Variants in AFAP1 observed in about 807,000 individuals in gnomAD.
AFAP1 encodes actin filament-associated protein 1.
AFAP1 carries 75 observed loss-of-function variants against 93.9 expected under a neutral mutation model. That is an observed-to-expected ratio of 0.80 (90% CI 0.66 to 0.97). AFAP1 has a LOEUF of 0.97. Ranked by LOEUF, AFAP1 falls within the 50% of genes least tolerant of loss-of-function variation. AFAP1 has a pLI of 0.00. For synonymous variants in AFAP1, 517 were observed against 430.7 expected (o/e 1.20, Z -2.48); for missense variants, 1,201 against 1,050.8 (o/e 1.14, Z -1.98).
At chr4:7,928,802 T>C (rs1344639963) in intron 1 of AFAP1, among the ~76,000 whole-genome samples, 2 of 152,208 alleles carry the variant, frequency 1.3e-5, no homozygotes, top group Non-Finnish European at 2.9e-5. Flanking sequence ...TCGTCCCACC[T>C]GTCTGCCCTC....
rs774650686 is a variant in AFAP1 at position 7,884,224 on chromosome 4, G to T, written c.-2-12144C>A. Among the ~76,000 whole-genome samples the T allele has an allele frequency of 6.6e-5, 10 of 152,244 alleles. No individual in the cohort carries two copies. In the South Asian group the frequency reaches 1.2e-3, roughly 19 times the overall value. Reference sequence around the variant, plus strand: ...CTTCCCAAAAGCGGAGCAAATGTCGGCACCATGCTTGTAAAGCCTGCAGAA... The same window carrying T: ...CTTCCCAAAAGCGGAGCAAATGTCGTCACCATGCTTGTAAAGCCTGCAGAA... On this transcript the variant is annotated intron_variant, in intron 1 of 17. Transcript: ENST00000420658.
chr4:7,930,261 C>T (rs1720990958), intron 1 of AFAP1, among the ~76,000 whole-genome samples: 1 of 152,202 alleles, frequency 6.6e-6, no homozygotes, highest in Non-Finnish European at 1.5e-5. Context: ...CCTGGGAGTG[C>T]CACCTCCCCA....
At chr4:7,881,097 G>A (rs1018211107) in intron 1 of AFAP1, among the ~76,000 whole-genome samples, 7 of 151,896 alleles carry the variant, frequency 4.6e-5, no homozygotes, top group Admixed American at 2.0e-4. Flanking sequence ...TTTCTAACCC[G>A]CTATAGAAAC....
chr4:7,776,386 A>ATC (rs1419649864), intron 14 of AFAP1: 1 of 151,560 alleles, frequency 6.6e-6, no homozygotes, highest in African/African-American at 2.4e-5. Context: ...GTGTGTGTGT[A>ATC]TGTGTGTGTG....
intron 1 of AFAP1, among the ~76,000 whole-genome samples, chr4:7,904,163 C>T (rs1437093256): frequency 6.6e-6 from 1 of 152,100 alleles, no homozygotes; most frequent in African/African-American, 2.4e-5. Flanking sequence ...GCTGTCCCTT[C>T]AACTGCTGCT....
intron 6 of AFAP1, among the ~76,000 whole-genome samples, chr4:7,833,498 T>C (rs1172396297): frequency 6.6e-6 from 1 of 152,004 alleles, no homozygotes; most frequent in African/African-American, 2.4e-5. Flanking sequence ...ATAGTAGATG[T>C]TGGTGTGGAT....
intron 1 of AFAP1, among the ~76,000 whole-genome samples, chr4:7,895,092 G>A (rs1246382807): frequency 1.3e-5 from 2 of 152,250 alleles, no homozygotes; most frequent in Non-Finnish European, 2.9e-5. Context: ...GGCTGCCACA[G>A]GGAATGGATG....
In AFAP1 at chr4:7,882,631, C is replaced by T. The variant is rs182793312; in HGVS notation, c.-2-10551G>A. ...ATCTCAGCACTTTGGAAGGCCGAGG[C>T]AGGCAGAGCACAAGGTCAGGAGATC... is the stretch of plus-strand genomic sequence containing the variant. On this transcript the variant is annotated intron_variant, in intron 1 of 17. Transcript: ENST00000420658. Among the ~76,000 whole-genome samples the T allele has an allele frequency of 1.6e-4, 24 of 152,286 alleles. No homozygotes were observed. In the East Asian group the frequency reaches 4.1e-3, roughly 26 times the overall value.
intron 4 of AFAP1, among the ~76,000 whole-genome samples, chr4:7,850,049 T>A (rs2149130988): frequency 6.6e-6 from 1 of 152,106 alleles, no homozygotes; most frequent in South Asian, 2.1e-4. Context: ...AACTTTTGAG[T>A]GGGATGGGAT....
At chr4:7,821,215 A>G (rs929586989) in intron 6 of AFAP1, among the ~76,000 whole-genome samples, 2 of 152,148 alleles carry the variant, frequency 1.3e-5, no homozygotes, top group Admixed American at 6.5e-5. Context: ...CAGCGAGGGA[A>G]TAAGTGTGAA....
chr4:7,866,602 G>C (rs984462150), intron 3 of AFAP1, among the ~76,000 whole-genome samples: 4 of 152,162 alleles, frequency 2.6e-5, no homozygotes, highest in Admixed American at 2.0e-4. Flanking sequence ...AGAGATTCCA[G>C]ACAATCTTAC....
chr4:7,882,370 T>A (rs1224806585), intron 1 of AFAP1, among the ~76,000 whole-genome samples: 2 of 148,552 alleles, frequency 1.3e-5, no homozygotes, highest in African/African-American at 4.9e-5. Flanking sequence ...TTCCAGAGGA[T>A]AAAATACACA....
intron 4 of AFAP1, among the ~76,000 whole-genome samples, chr4:7,854,216 C>A (rs1203632304): frequency 1.3e-5 from 2 of 152,216 alleles, no homozygotes; most frequent in East Asian, 3.9e-4. Context: ...CTACTGTCTT[C>A]TTAAAGAGTT....
At chr4:7,842,447 C>T (rs1232195390) in intron 5 of AFAP1, among the ~76,000 whole-genome samples, 1 of 151,246 alleles carries the variant, frequency 6.6e-6, no homozygotes, top group Non-Finnish European at 1.5e-5. Flanking sequence ...GAACAAAAGG[C>T]AAAAACATAC....
intron 4 of AFAP1, among the ~76,000 whole-genome samples, chr4:7,849,498 T>G (rs982582027): frequency 6.6e-6 from 1 of 152,198 alleles, no homozygotes; most frequent in African/African-American, 2.4e-5. Context: ...CTTGGCCCTC[T>G]TTGTTCTCAC....
intron 9 of AFAP1, among the ~76,000 whole-genome samples, chr4:7,808,320 A>AT (rs1167423535): frequency 6.6e-6 from 1 of 152,162 alleles, no homozygotes; most frequent in Non-Finnish European, 1.5e-5. Flanking sequence ...ACAATGCTGG[A>AT]TCCCCCCGGC....
chr4:7,778,134 G>C (rs1018629175), intron 14 of AFAP1: 22 of 153,204 alleles, frequency 1.4e-4, no homozygotes, highest in African/African-American at 4.3e-4. Flanking sequence ...GTGAGCCTTG[G>C]GGGAGCTGCT....
At position 7,772,884 on chromosome 4, in the gene AFAP1, G is replaced by A. The variant is rs1365370863; in HGVS notation, c.2189C>T (p.Ala730Val). The change falls in exon 16 of 18, where the codon GCG becomes GTG. Residue 730 changes from alanine to valine, a missense_variant. Ala to Val is a moderately conservative substitution (Grantham distance 64, BLOSUM62 0). Coordinates refer to ENST00000420658, the MANE Select transcript of AFAP1 (RefSeq NM_001134647.2). ...LTEVKESLKK[A>V]LAGGVTLGLA... ...CCCCAGGGTGACTCCGCCCGCCAGC[G>A]CTTTCTTCAGGCTCTCCTTGACCTC... 1.9e-6 allele frequency: 3 copies of A among 1,614,146 alleles called. No homozygotes were observed. Among genetic ancestry groups the A allele is most frequent in the Non-Finnish European group, 2.5e-6 (3 of 1,180,026 alleles).
At chr4:7,863,535 G>A (rs573817916) in intron 3 of AFAP1, among the ~76,000 whole-genome samples, 2 of 152,164 alleles carry the variant, frequency 1.3e-5, no homozygotes, top group East Asian at 1.9e-4. Flanking sequence ...GAAAAGCCAG[G>A]GAGATAAAGC....
Sources: allele counts gnomAD v4.1 joint callset (sites outside exome capture counted in the v4.1 genomes callset), GRCh38; gene constraint gnomAD v4.1.1; transcripts MANE v1.5; gene names NCBI Gene and HGNC (gene_info 2026-07-23, HGNC 2026-07-21).